Variants in SNCB observed in about 807,000 individuals in gnomAD.
SNCB encodes synuclein beta.
A neutral mutation model predicts 20.0 loss-of-function variants in SNCB; 8 were observed. The ratio of observed to expected loss-of-function variants is 0.40; its 90% CI spans 0.24 to 0.72. The LOEUF (loss-of-function observed/expected upper bound fraction) is 0.72. Among genes scored for constraint, SNCB ranks in the 30% least tolerant of loss-of-function variants. The probability of loss-of-function intolerance (pLI) is 0.37; values close to 1 mark genes in which losing one functional copy is unlikely to be tolerated. For missense variants in SNCB, 125 were observed against 168.0 expected, an observed-to-expected ratio of 0.74 and a Z score of 1.41; for synonymous variants, 56 against 65.4, an observed-to-expected ratio of 0.86 and a Z score of 0.69.
chr5:176,622,243 C>A (rs1759648173), intron 4 of SNCB, among the ~76,000 whole-genome samples: 1 of 152,226 alleles, frequency 6.6e-6, no homozygotes, highest in Non-Finnish European at 1.5e-5. Flanking sequence ...GATGCGTATG[C>A]CAAGGCCCAG....
At position 176,621,358 on chromosome 5, in the gene SNCB, C is replaced by T; in HGVS notation, c.283-55G>A. The T allele has an allele frequency of 1.4e-6, 2 of 1,460,482 alleles. No homozygotes were observed. The highest frequency in any genetic ancestry group is 1.9e-6 in the Non-Finnish European group (2 of 1,051,992). 90.5% of individuals were successfully genotyped at this position (1,460,482 alleles called of 1,614,324 possible). A position where few individuals can be genotyped will look rare whatever the true frequency, so the allele number is the denominator to read the frequency against. On this transcript the variant is annotated intron_variant, in intron 4 of 5. Coordinates refer to ENST00000393693, the MANE Select transcript of SNCB (RefSeq NM_003085.5). This position sits in a 1 kb window ranked among gnomAD's most constrained non-coding sequence, Gnocchi z 4.1. ...GGACAGCCAGGATGCCCCCCAAATT[C>T]CCACAGTGGTAAGCTTTGGGTGGGT...
chr5:176,626,878 C>T lies in SNCB; in HGVS notation c.122-117G>A. The T allele has an allele frequency of 9.7e-7, 1 of 1,032,852 alleles. No individual in the cohort carries two copies. Among genetic ancestry groups the T allele is most frequent in the Non-Finnish European group, 1.5e-6 (1 of 658,206 alleles). The allele number at this position is 1,032,852 out of a possible 1,614,324, so 64.0% of individuals were successfully genotyped here. On this transcript the variant is annotated intron_variant, in intron 2 of 5. Transcript: ENST00000393693. This position sits in a 1 kb window ranked among gnomAD's most constrained non-coding sequence, Gnocchi z 4.2. ...GCCCCGTCACTGCCTCCTTGGGTCC[C>T]CACATCCTACAACCTGCACCCCCAT...
chr5:176,625,811 C>G (rs762588054), intron 4 of SNCB, among the ~76,000 whole-genome samples: 9 of 152,202 alleles, frequency 5.9e-5, no homozygotes, highest in Admixed American at 3.3e-4. Flanking sequence ...AAGGCTGCCT[C>G]TCTCATCCCT....
chr5:176,629,692 G>A lies in SNCB; in HGVS notation c.-9-29C>T. 1 of 1,607,726 alleles carries A rather than the reference G, an allele frequency of 6.2e-7. No homozygotes were observed. Among genetic ancestry groups the A allele is most frequent in the Non-Finnish European group, 8.5e-7 (1 of 1,176,364 alleles). ...GGGAGGGCGATACACGGGCACCGGT[G>A]CACTGGCCCCGCACTCTCACCCCAG... On this transcript the variant is annotated intron_variant, in intron 1 of 5. Transcript: ENST00000393693. The surrounding 1 kb of genome is among the most constrained non-coding windows in gnomAD (Gnocchi z 4.1).
Position 176,621,915 on chromosome 5 carries a change from G to A in SNCB, c.283-612C>T, listed in dbSNP as rs972957303. On this transcript the variant is annotated intron_variant, in intron 4 of 5. Transcript: ENST00000393693. The surrounding 1 kb of genome is among the most constrained non-coding windows in gnomAD (Gnocchi z 4.1). ...CAGACCAGCGGGCATGCATGTGGGCGGGCTGCCAGACACATGGCCAGCCAC... is the reference window on the plus strand; with the variant it reads ...CAGACCAGCGGGCATGCATGTGGGCAGGCTGCCAGACACATGGCCAGCCAC... Among the ~76,000 whole-genome samples, 5 of 152,210 alleles carry A rather than the reference G, an allele frequency of 3.3e-5. No individual in the cohort carries two copies. Among genetic ancestry groups the A allele is most frequent in the East Asian group, 3.9e-4 (2 of 5,190 alleles).
Position 176,629,734 on chromosome 5 carries a change from C to T in SNCB, c.-9-71G>A. The T allele has an allele frequency of 6.4e-7, 1 of 1,556,362 alleles. No individual in the cohort carries two copies. Among genetic ancestry groups the T allele is most frequent in the African/African-American group, 1.3e-5 (1 of 74,146 alleles). The stretch of plus-strand genomic sequence containing the variant: ...TCACCCCAGCCCCTCCCGCGGGACG[C>T]AGATGCCCCCCTACTCCCGAGACCG... On this transcript the variant is annotated intron_variant, in intron 1 of 5. Transcript: ENST00000393693. The surrounding 1 kb of genome is among the most constrained non-coding windows in gnomAD (Gnocchi z 4.1).
At chr5:176,623,578 A>T (rs1420815553) in intron 4 of SNCB, among the ~76,000 whole-genome samples, 1 of 152,098 alleles carries the variant, frequency 6.6e-6, no homozygotes, top group East Asian at 1.9e-4. Flanking sequence ...CCCTGGGGAT[A>T]GGAACTGGAA....
chr5:176,622,506 A>ACAAAG lies in SNCB; in HGVS notation c.283-1204_283-1203insCTTTG, dbSNP rs1381878200. Among the ~76,000 whole-genome samples, 3 of 151,948 alleles carry ACAAAG rather than the reference A, an allele frequency of 2.0e-5. No homozygotes were observed. The East Asian group carries it at 5.8e-4, about 30-fold the overall frequency. ...CTCCATCTCAACAAAACAAAACAAA[A>ACAAAG]CAAAACAAAACAAAACAAGCCAGCT... On this transcript the variant is annotated intron_variant, in intron 4 of 5. Coordinates refer to ENST00000393693, the MANE Select transcript of SNCB (RefSeq NM_003085.5).
Position 176,629,262 on chromosome 5 carries a change from A to AAAAAGG in SNCB, c.121+266_121+271dup, listed in dbSNP as rs1452050335. ...TATTAATAATGGTAAAAAAGATAAG[A>AAAAAGG]AAAAGGAGGCTGTCTGCTTTCATCA... On this transcript the variant is annotated intron_variant, in intron 2 of 5. Coordinates refer to ENST00000393693, the MANE Select transcript of SNCB (RefSeq NM_003085.5). The surrounding 1 kb of genome is among the most constrained non-coding windows in gnomAD (Gnocchi z 4.1). 6.6e-6 allele frequency among the ~76,000 whole-genome samples: 1 copy of AAAAAGG among 152,136 alleles called. No homozygotes were observed. The highest frequency in any genetic ancestry group is 2.4e-5 in the African/African-American group (1 of 41,430).
intron 2 of SNCB, among the ~76,000 whole-genome samples, chr5:176,627,890 G>A (rs1350976381): frequency 6.6e-6 from 1 of 152,226 alleles, no homozygotes; most frequent in Non-Finnish European, 1.5e-5. Context: ...AGGACTTCCA[G>A]CCTCCAAGGA....
intron 2 of SNCB, among the ~76,000 whole-genome samples, chr5:176,628,187 G>A (rs1002076547): frequency 2.0e-5 from 3 of 152,166 alleles, no homozygotes; most frequent in Non-Finnish European, 4.4e-5. Context: ...GGCAGGAGCA[G>A]GAAGTGCCAA....
chr5:176,626,613 G>T lies in SNCB; in HGVS notation c.164-97C>A. 1.3e-6 allele frequency: 2 copies of T among 1,517,706 alleles called. No individual in the cohort carries two copies. Among genetic ancestry groups the T allele is most frequent in the Non-Finnish European group, 1.8e-6 (2 of 1,092,408 alleles). The allele number at this position is 1,517,706 out of a possible 1,614,324, so 94.0% of individuals were successfully genotyped here. On this transcript the variant is annotated intron_variant, in intron 3 of 5. Transcript: ENST00000393693. The surrounding 1 kb of genome is among the most constrained non-coding windows in gnomAD (Gnocchi z 4.2). The stretch of plus-strand genomic sequence containing the variant: ...TCCCAGGGCCTGCCCTCCCCACGGA[G>T]CATTCCCGCAGAAGCCTTGGGAGTC...
At position 176,626,403 on chromosome 5, in the gene SNCB, G is replaced by T; in HGVS notation, c.277C>A (p.Leu93Met). 3.1e-6 allele frequency: 5 copies of T among 1,602,550 alleles called. No homozygotes were observed. The highest frequency in any genetic ancestry group is 4.3e-6 in the Non-Finnish European group (5 of 1,169,964). The change falls in exon 4 of 6, where the codon CTG becomes ATG. Residue 93 changes from leucine (L) to methionine (M), a missense_variant. By Grantham distance (15) the Leu-to-Met change is conservative. Coordinates refer to ENST00000393693, the MANE Select transcript of SNCB (RefSeq NM_003085.5). The surrounding 1 kb of genome is among the most constrained non-coding windows in gnomAD (Gnocchi z 4.2). ...LVKREEFPTD[L>M]KPEEVAQEAA... ...GGGTCAGAAGGATCGCTTACCTTCA[G>T]ATCAGTAGGGAATTCCTCCCTCTTC... is the stretch of plus-strand genomic sequence containing the variant.
rs1330203951 is a variant in SNCB at position 176,626,827 on chromosome 5, A to C, written c.122-66T>G. 13 of 1,565,402 alleles carry C rather than the reference A, an allele frequency of 8.3e-6. No individual in the cohort carries two copies. Among genetic ancestry groups the C allele is most frequent in the Non-Finnish European group, 1.1e-5 (13 of 1,135,786 alleles). Reference sequence around the variant, plus strand: ...GAGGGAACAGAAACTCCAGCACAGCATGGTGATTACAGAGTGGGCATCCTG... The same window carrying C: ...GAGGGAACAGAAACTCCAGCACAGCCTGGTGATTACAGAGTGGGCATCCTG... On this transcript the variant is annotated intron_variant, in intron 2 of 5. Coordinates refer to ENST00000393693, the MANE Select transcript of SNCB (RefSeq NM_003085.5). This position sits in a 1 kb window ranked among gnomAD's most constrained non-coding sequence, Gnocchi z 4.2.
At position 176,629,547 on chromosome 5, in the gene SNCB, G is replaced by A. The variant is rs775624759; in HGVS notation, c.108C>T (p.Gly36=). 12 of 1,610,742 alleles carry A rather than the reference G, an allele frequency of 7.4e-6. No homozygotes were observed. The highest frequency in any genetic ancestry group is 1.0e-5 in the Non-Finnish European group (12 of 1,177,986). The change falls in exon 2 of 6, where the codon GGC becomes GGT. Residue 36 remains glycine (G), a synonymous_variant. Transcript: ENST00000393693. The surrounding 1 kb of genome is among the most constrained non-coding windows in gnomAD (Gnocchi z 4.1). ...CCCCTTACCCACCGACGTAGAGGACGCCCTCCTTGGTCTTCTCCGCCGCCT... is the reference window on the plus strand; with the variant it reads ...CCCCTTACCCACCGACGTAGAGGACACCCTCCTTGGTCTTCTCCGCCGCCT... ...VTEAAEKTKE[G]VLYVGSKTRE...
chr5:176,623,147 G>A (rs1391578260), intron 4 of SNCB, among the ~76,000 whole-genome samples: 2 of 152,058 alleles, frequency 1.3e-5, no homozygotes, highest in Non-Finnish European at 2.9e-5. Context: ...CAGCATTTTG[G>A]GAGGTCAAGG....
chr5:176,629,256 G>T lies in SNCB; in HGVS notation c.121+278C>A, dbSNP rs998165058. Among the ~76,000 whole-genome samples, 1 of 152,114 alleles carries T rather than the reference G, an allele frequency of 6.6e-6. No individual in the cohort carries two copies. The highest frequency in any genetic ancestry group is 2.4e-5 in the African/African-American group (1 of 41,402). On this transcript the variant is annotated intron_variant, in intron 2 of 5. Transcript: ENST00000393693. This position sits in a 1 kb window ranked among gnomAD's most constrained non-coding sequence, Gnocchi z 4.1. The stretch of plus-strand genomic sequence containing the variant: ...GATAACTATTAATAATGGTAAAAAA[G>T]ATAAGAAAAAGGAGGCTGTCTGCTT...
At chr5:176,628,357 T>A (rs552845886) in intron 2 of SNCB, among the ~76,000 whole-genome samples, 2 of 152,150 alleles carry the variant, frequency 1.3e-5, no homozygotes, top group East Asian at 3.9e-4. Flanking sequence ...CTTCTCCCGG[T>A]CTCCATTGCC....
intron 2 of SNCB, among the ~76,000 whole-genome samples, chr5:176,627,665 G>A (rs953449000): frequency 6.6e-6 from 1 of 151,198 alleles, no homozygotes; most frequent in African/African-American, 2.4e-5. Context: ...CGGCGGGGGG[G>A]TGGGGGAAGA....
Sources: gnomAD v4.1 joint callset for allele counts (sites outside exome capture counted in the v4.1 genomes callset) on GRCh38, gnomAD v4.1.1 for gene constraint, Gnocchi (gnomAD v3.1) non-coding constraint, MANE v1.5 for transcripts, NCBI Gene and HGNC (gene_info 2026-07-23, HGNC 2026-07-21) for gene names.